Variants in ANKS1B observed in about 807,000 individuals in gnomAD.
ANKS1B encodes ankyrin repeat and sterile alpha motif domain-containing protein 1B.
ANKS1B carries 36 observed loss-of-function variants against 148.3 expected under a neutral mutation model. The ratio of observed to expected loss-of-function variants is 0.24; its 90% CI spans 0.19 to 0.32. The LOEUF is 0.32. Among genes scored for constraint, ANKS1B ranks in the 10% least tolerant of loss-of-function variants. The pLI is 1.00. For synonymous variants in ANKS1B, 542 were observed against 560.8 expected, an observed-to-expected ratio of 0.97 and a Z score of 0.47; for missense variants, 1,157 against 1,542.6, an observed-to-expected ratio of 0.75 and a Z score of 4.19.
chr12:98,889,350 A>G (rs1376344111), intron 17 of ANKS1B, among the ~76,000 whole-genome samples: 3 of 145,634 alleles, frequency 2.1e-5, no homozygotes, highest in African/African-American at 7.6e-5. Flanking sequence ...AACCTTTTTT[A>G]TTTTTTTTTT....
At chr12:99,742,018 A>G (rs979267470) in intron 8 of ANKS1B, among the ~76,000 whole-genome samples, 2 of 152,118 alleles carry the variant, frequency 1.3e-5, no homozygotes, top group South Asian at 2.1e-4. Context: ...ACCAAATACC[A>G]TATGTTCTCA....
At chr12:99,433,070 T>C (rs1257827052) in intron 11 of ANKS1B, among the ~76,000 whole-genome samples, 1 of 152,148 alleles carries the variant, frequency 6.6e-6, no homozygotes, top group Non-Finnish European at 1.5e-5. Flanking sequence ...TGAAGCTTTT[T>C]CAAAGGTCTA....
At chr12:98,971,302 C>T (rs1227131815) in intron 17 of ANKS1B, among the ~76,000 whole-genome samples, 1 of 152,112 alleles carries the variant, frequency 6.6e-6, no homozygotes, top group African/African-American at 2.4e-5. Context: ...TGTGAAAATG[C>T]CTGATGTAAA....
intron 16 of ANKS1B, among the ~76,000 whole-genome samples, chr12:99,073,225 T>C (rs558446680): frequency 6.6e-6 from 1 of 152,308 alleles, no homozygotes; most frequent in East Asian, 1.9e-4. Context: ...TTTAGAAACT[T>C]GCCCATGGTC....
rs78485494 is a variant in ANKS1B at position 98,911,231 on chromosome 12, A to T, written c.2779-79095T>A. Among the ~76,000 whole-genome samples, 1,328 of 152,302 alleles carry T rather than the reference A, an allele frequency of 8.7e-3. 23 individuals carry two copies. The highest frequency in any genetic ancestry group is 0.03 in the African/African-American group (1,259 of 41,558). On this transcript the variant is annotated intron_variant, in intron 17 of 26. Coordinates refer to ENST00000683438, the MANE Select transcript of ANKS1B (RefSeq NM_001352186.2). Reference sequence around the variant, plus strand: ...ACTCTGGGGTTAAAAAAATGGATTTATGCCTCACTGAGAAACAGCTGTCAT... The same window carrying T: ...ACTCTGGGGTTAAAAAAATGGATTTTTGCCTCACTGAGAAACAGCTGTCAT...
At chr12:99,908,504 C>T (rs930178231) in intron 1 of ANKS1B, among the ~76,000 whole-genome samples, 3 of 152,054 alleles carry the variant, frequency 2.0e-5, no homozygotes, top group Non-Finnish European at 4.4e-5. Context: ...CACCCAAGCC[C>T]GGGGAAGTCA....
intron 12 of ANKS1B, among the ~76,000 whole-genome samples, chr12:99,380,825 T>C (rs535207564): frequency 2.5e-4 from 38 of 150,256 alleles, no homozygotes; most frequent in Admixed American, 1.5e-3. Flanking sequence ...ACAACAAACA[T>C]TTGTTAGGCA....
chr12:99,382,407 G>A (rs1306110562), intron 12 of ANKS1B, among the ~76,000 whole-genome samples: 1 of 151,976 alleles, frequency 6.6e-6, no homozygotes, highest in East Asian at 1.9e-4. Flanking sequence ...AGCTTTTCTG[G>A]AAAGGAAAAA....
intron 9 of ANKS1B, among the ~76,000 whole-genome samples, chr12:99,640,351 G>T (rs960598781): frequency 1.3e-5 from 2 of 152,120 alleles, no homozygotes; most frequent in African/African-American, 4.8e-5. Context: ...TGGTTTGAGT[G>T]TCCCCCCACA....
chr12:99,045,447 C>G (rs897012969), intron 17 of ANKS1B, among the ~76,000 whole-genome samples: 5 of 152,138 alleles, frequency 3.3e-5, no homozygotes, highest in Admixed American at 2.0e-4. Context: ...TATTAAAATC[C>G]TTTAGTGACT....
In ANKS1B at chr12:99,558,702, G is replaced by A. The variant is rs540646057; in HGVS notation, c.1273-54061C>T. Among the ~76,000 whole-genome samples, 5 of 152,280 alleles carry A rather than the reference G, an allele frequency of 3.3e-5. No homozygotes were observed. The East Asian group carries it at 9.7e-4, about 29-fold the overall frequency. Reference sequence around the variant, plus strand: ...TGGCCAGGCTGGAGCCCCAGGAGAGGCCACCAGACAGAGGGGCACTCAGAT... The same window carrying A: ...TGGCCAGGCTGGAGCCCCAGGAGAGACCACCAGACAGAGGGGCACTCAGAT... On this transcript the variant is annotated intron_variant, in intron 9 of 26. Transcript: ENST00000683438.
chr12:99,295,840 T>G (rs772224952), intron 12 of ANKS1B, among the ~76,000 whole-genome samples: 5 of 152,196 alleles, frequency 3.3e-5, no homozygotes, highest in African/African-American at 1.2e-4. Flanking sequence ...CTCCCACTTA[T>G]AAGTGAGTAC....
chr12:98,817,998 G>C (rs2099154794), intron 19 of ANKS1B, among the ~76,000 whole-genome samples: 1 of 152,196 alleles, frequency 6.6e-6, no homozygotes, highest in African/African-American at 2.4e-5. Context: ...AACCTACCAA[G>C]AGTGGGAGGA....
At position 98,829,130 on chromosome 12, in the gene ANKS1B, C is replaced by T. The variant is rs1327824525; in HGVS notation, c.3066+44G>A. ...TACTGTTCACTATTAAAAGGCATTA[C>T]CTGATATGGTTGAAAAATATCACAA... On this transcript the variant is annotated intron_variant, in intron 19 of 26. Coordinates refer to ENST00000683438, the MANE Select transcript of ANKS1B (RefSeq NM_001352186.2). The surrounding 1 kb of genome is among the most constrained non-coding windows in gnomAD (Gnocchi z 5.2). 21 of 1,610,020 alleles carry T rather than the reference C, an allele frequency of 1.3e-5. No homozygotes were observed. The highest frequency in any genetic ancestry group is 1.6e-5 in the Non-Finnish European group (19 of 1,176,854).
chr12:99,863,251 A>G (rs1364326503), intron 1 of ANKS1B, among the ~76,000 whole-genome samples: 2 of 152,104 alleles, frequency 1.3e-5, no homozygotes, highest in African/African-American at 4.8e-5. Context: ...TCTCCTTTGT[A>G]CCTTTAAGTC....
chr12:99,968,769 C>T lies in ANKS1B; in HGVS notation c.134+15335G>A, dbSNP rs918675839. On this transcript the variant is annotated intron_variant, in intron 1 of 26. Coordinates refer to ENST00000683438, the MANE Select transcript of ANKS1B (RefSeq NM_001352186.2). ...ATCATGGGAGTGGACCCCTCATGAACGGCTTAGCAGCATCCCCTTGGTGAT... is the reference window on the plus strand; with the variant it reads ...ATCATGGGAGTGGACCCCTCATGAATGGCTTAGCAGCATCCCCTTGGTGAT... Among the ~76,000 whole-genome samples the T allele has an allele frequency of 2.6e-5, 4 of 152,246 alleles. No homozygotes were observed. In the East Asian group the frequency reaches 5.8e-4, roughly 22 times the overall value.
intron 9 of ANKS1B, among the ~76,000 whole-genome samples, chr12:99,607,183 T>TA (rs1201008875): frequency 6.6e-6 from 1 of 152,062 alleles, no homozygotes; most frequent in Non-Finnish European, 1.5e-5. Context: ...ACACATGTCC[T>TA]AGACTTCACC....
intron 9 of ANKS1B, among the ~76,000 whole-genome samples, chr12:99,624,146 C>A (rs1306920185): frequency 6.6e-6 from 1 of 151,928 alleles, no homozygotes; most frequent in Non-Finnish European, 1.5e-5. Context: ...CAAAAATAAG[C>A]AAGGGTGAAA....
At chr12:98,894,051 G>GC in intron 17 of ANKS1B, among the ~76,000 whole-genome samples, 1 of 152,154 alleles carries the variant, frequency 6.6e-6, no homozygotes, top group South Asian at 2.1e-4. Context: ...AGTCTCTGCT[G>GC]CTCTGCTCCT....
Sources: gnomAD v4.1 joint callset for allele counts (sites outside exome capture counted in the v4.1 genomes callset) on GRCh38, gnomAD v4.1.1 for gene constraint, Gnocchi (gnomAD v3.1) non-coding constraint, MANE v1.5 for transcripts, NCBI Gene and HGNC (gene_info 2026-07-23, HGNC 2026-07-21) for gene names.